ANO10: variants seen among roughly 807,000 people sequenced by gnomAD.
ANO10 encodes anoctamin-10.
A neutral mutation model predicts 74.7 loss-of-function variants in ANO10; 77 were observed. That is an observed-to-expected ratio of 1.03 (90% CI 0.86 to 1.25). The LOEUF is 1.25. Ranked by LOEUF, ANO10 falls within the 50% of genes most tolerant of loss-of-function variation. The pLI, the probability that ANO10 is intolerant of heterozygous loss-of-function variation, is 0.00. For missense variants in ANO10, 721 were observed against 778.1 expected (o/e 0.93, Z 0.87); for synonymous variants, 279 against 284.9 (o/e 0.98, Z 0.21).
chr3:43,526,760 T>G (rs762100348), intron 11 of ANO10, among the ~76,000 whole-genome samples: 4 of 152,034 alleles, frequency 2.6e-5, no homozygotes, highest in Non-Finnish European at 4.4e-5. Flanking sequence ...CTTAAAATAT[T>G]TTGAATATTT....
At position 43,690,974 on chromosome 3, in the gene ANO10, C is replaced by T. The variant is rs117630969; in HGVS notation, c.-12+543G>A. 42,976 of 1,568,598 alleles carry T rather than the reference C, an allele frequency of 0.027. 894 individuals are homozygous for T. Among genetic ancestry groups the T allele is most frequent in the South Asian group, 0.09 (7,823 of 86,468 alleles). ...CAGCCGGCTTCGAGATAAGTCCCGG[C>T]GCTTGCGCGGCGGCGGCTATGGCGG... is the stretch of plus-strand genomic sequence containing the variant. On this transcript the variant is annotated intron_variant, in intron 1 of 3. Coordinates refer to the ANO10 transcript ENST00000413397.
At chr3:43,520,794 T>C (rs1185423729) in intron 11 of ANO10, among the ~76,000 whole-genome samples, 1 of 152,152 alleles carries the variant, frequency 6.6e-6, no homozygotes, top group East Asian at 1.9e-4. Context: ...AGGATCAACT[T>C]GTAATTTTTG....
chr3:43,686,877 T>A (rs571829039), intron 1 of ANO10, among the ~76,000 whole-genome samples: 1 of 152,090 alleles, frequency 6.6e-6, no homozygotes, highest in Non-Finnish European at 1.5e-5. Flanking sequence ...CAGGCATAAC[T>A]AGGAGCTAGT....
At chr3:43,530,993 T>C (rs1275651608) in intron 11 of ANO10, among the ~76,000 whole-genome samples, 1 of 152,104 alleles carries the variant, frequency 6.6e-6, no homozygotes, top group Admixed American at 6.6e-5. Flanking sequence ...TGTTAGGTCA[T>C]AGAAAAAGTG....
At chr3:43,511,630 C>T (rs921775507) in intron 11 of ANO10, among the ~76,000 whole-genome samples, 3 of 152,112 alleles carry the variant, frequency 2.0e-5, no homozygotes, top group African/African-American at 7.2e-5. Context: ...CACCTTAGTA[C>T]CCCACTTTTA....
At chr3:43,652,425 A>C (rs1327087149) in intron 1 of ANO10, among the ~76,000 whole-genome samples, 1 of 152,248 alleles carries the variant, frequency 6.6e-6, no homozygotes, top group Non-Finnish European at 1.5e-5. Context: ...TCTTTTCAAC[A>C]AACAGTGCTC....
intron 1 of ANO10, among the ~76,000 whole-genome samples, chr3:43,631,947 C>T (rs1227933607): frequency 1.3e-5 from 2 of 151,530 alleles, no homozygotes; most frequent in Admixed American, 1.3e-4. Flanking sequence ...GTGGTGGGCG[C>T]CTATAATCCC....
intron 12 of ANO10, among the ~76,000 whole-genome samples, chr3:43,377,361 C>T (rs534410185): frequency 6.6e-6 from 1 of 152,348 alleles, no homozygotes; most frequent in Admixed American, 6.5e-5. Flanking sequence ...ACTGGGATTA[C>T]AGGTGTGAGC....
intron 11 of ANO10, among the ~76,000 whole-genome samples, chr3:43,479,949 G>A (rs1056590240): frequency 1.3e-5 from 2 of 152,136 alleles, no homozygotes; most frequent in African/African-American, 2.4e-5. Flanking sequence ...TAATGAAAAC[G>A]CCTTTCCACT....
At chr3:43,588,619 G>A (rs1445739361) in intron 4 of ANO10, among the ~76,000 whole-genome samples, 1 of 150,028 alleles carries the variant, frequency 6.7e-6, no homozygotes, top group East Asian at 1.9e-4. Context: ...ACTATATCCT[G>A]ATATAAGAGA....
intron 11 of ANO10, among the ~76,000 whole-genome samples, chr3:43,483,159 CA>C (rs1248692658): frequency 6.6e-6 from 1 of 152,210 alleles, no homozygotes; most frequent in Non-Finnish European, 1.5e-5. Flanking sequence ...GGCAGGAATT[CA>C]ACAAGATGAT....
chr3:43,400,564 AG>A (rs2092462491), intron 12 of ANO10, among the ~76,000 whole-genome samples: 2 of 152,068 alleles, frequency 1.3e-5, no homozygotes, highest in Non-Finnish European at 2.9e-5. Flanking sequence ...GCTTGAGCCC[AG>A]GAATTCGAAA....
At chr3:43,629,670 G>A (rs904864808) in intron 1 of ANO10, among the ~76,000 whole-genome samples, 6 of 152,148 alleles carry the variant, frequency 3.9e-5, no homozygotes, top group Non-Finnish European at 8.8e-5. Flanking sequence ...GAAGGTAGAA[G>A]TTTCAGGAAT....
At chr3:43,464,536 C>T (rs2075528760) in intron 11 of ANO10, among the ~76,000 whole-genome samples, 1 of 152,056 alleles carries the variant, frequency 6.6e-6, no homozygotes, top group African/African-American at 2.4e-5. Flanking sequence ...AAAAATTAGC[C>T]AGGCATGTTG....
chr3:43,490,798 A>AC (rs1010370886), intron 11 of ANO10, among the ~76,000 whole-genome samples: 22 of 152,268 alleles, frequency 1.4e-4, no homozygotes, highest in African/African-American at 4.3e-4. Flanking sequence ...TCCCAGCACC[A>AC]CCCCCACACA....
At chr3:43,583,678 G>T (rs1364526893) in intron 4 of ANO10, among the ~76,000 whole-genome samples, 5 of 152,352 alleles carry the variant, frequency 3.3e-5, no homozygotes, top group Non-Finnish European at 7.4e-5. Context: ...GGGGTGATAA[G>T]CACAGATGCC....
rs56025632 is a variant in ANO10, at chr3:43,527,036, A to AACACACAC, written c.1797+22676_1797+22683dup. On this transcript the variant is annotated intron_variant, in intron 11 of 12. Transcript: ENST00000292246. ...TATATGGTACATACAATGGATGTAA[A>AACACACAC]ACACACACACACACACACACACACA... 8.4e-3 allele frequency among the ~76,000 whole-genome samples: 1,239 copies of AACACACAC among 147,152 alleles called. 10 individuals carry two copies. The highest frequency in any genetic ancestry group is 0.024 in the South Asian group (111 of 4,606).
chr3:43,666,092 C>A (rs948395326), intron 1 of ANO10, among the ~76,000 whole-genome samples: 5 of 152,106 alleles, frequency 3.3e-5, no homozygotes, highest in Non-Finnish European at 5.9e-5. Context: ...TCTGTCATAT[C>A]TTCAAGGATT....
At chr3:43,528,453 T>G (rs1283991403) in intron 11 of ANO10, among the ~76,000 whole-genome samples, 4 of 150,800 alleles carry the variant, frequency 2.7e-5, no homozygotes, top group Non-Finnish European at 5.9e-5. Flanking sequence ...ATCAAAAATA[T>G]CTAACAAATG....
Sources: allele counts gnomAD v4.1 joint callset (sites outside exome capture counted in the v4.1 genomes callset), GRCh38; gene constraint gnomAD v4.1.1; transcripts MANE v1.5; gene names NCBI Gene and HGNC (gene_info 2026-07-23, HGNC 2026-07-21).